The following ZNF536 variants were observed in gnomAD, a reference collection of about 807,000 sequenced individuals.
ZNF536 encodes zinc finger protein 536.
Under a neutral mutation model 84.5 loss-of-function variants are expected in ZNF536, and 13 were observed. The ratio of observed to expected loss-of-function variants is 0.15; its 90% CI spans 0.10 to 0.24. The LOEUF (loss-of-function observed/expected upper bound fraction) is 0.24. ZNF536 is among the 10% of genes least tolerant of loss of function. The probability of loss-of-function intolerance (pLI) is 1.00; values close to 1 mark genes in which losing one functional copy is unlikely to be tolerated. For synonymous variants in ZNF536, 811 were observed against 742.5 expected, an observed-to-expected ratio of 1.09 and a Z score of -1.50; for missense variants, 1,536 against 1,747.5, an observed-to-expected ratio of 0.88 and a Z score of 2.16.
chr19:30,558,539 A>G (rs998024503), downstream of ZNF536, among the ~76,000 whole-genome samples: 1 of 152,010 alleles, frequency 6.6e-6, no homozygotes. Context: ...TAATGAAGAG[A>G]CTCAGGATTC....
intron 2 of ZNF536, among the ~76,000 whole-genome samples, chr19:30,286,300 G>A (rs767849972): frequency 2.6e-5 from 4 of 152,152 alleles, no homozygotes; most frequent in Admixed American, 6.5e-5. Context: ...CTTCTATCTC[G>A]GCGCCTTTGT....
At chr19:30,282,642 G>C (rs1252897681) in intron 1 of ZNF536, among the ~76,000 whole-genome samples, 1 of 152,166 alleles carries the variant, frequency 6.6e-6, no homozygotes, top group Non-Finnish European at 1.5e-5. Context: ...AGGTCGTAGA[G>C]CAAAGCAAAT....
chr19:30,263,516 G>C (rs533538939), intron 1 of ZNF536, among the ~76,000 whole-genome samples: 2 of 152,226 alleles, frequency 1.3e-5, no homozygotes, highest in African/African-American at 4.8e-5. Context: ...GAGTGTGTGC[G>C]TGTCTGTGAA....
intron 3 of ZNF536, among the ~76,000 whole-genome samples, chr19:30,354,383 G>A (rs141559344): frequency 1.4e-4 from 21 of 152,210 alleles, no homozygotes; most frequent in African/African-American, 3.6e-4. Flanking sequence ...ATTTATTTTC[G>A]TAGAGATGGG....
intron 1 of ZNF536, among the ~76,000 whole-genome samples, chr19:30,413,829 C>T (rs192798512): frequency 5.3e-5 from 8 of 152,100 alleles, no homozygotes; most frequent in Admixed American, 3.9e-4. Flanking sequence ...CGGTGGTTCA[C>T]GCCTGTAATC....
intron 1 of ZNF536, among the ~76,000 whole-genome samples, chr19:30,281,165 T>C (rs2045429452): frequency 6.6e-6 from 1 of 152,096 alleles, no homozygotes; most frequent in African/African-American, 2.4e-5. Flanking sequence ...CCTGCTCTTG[T>C]CTCCCCTTCC....
chr19:30,600,665 T>A lies in ZNF536; in HGVS notation c.169+51151T>A, dbSNP rs1191139006. Among the ~76,000 whole-genome samples the A allele has an allele frequency of 3.3e-5, 5 of 152,322 alleles. No individual in the cohort carries two copies. In the South Asian group the frequency reaches 1.0e-3, roughly 32 times the overall value. ...TGGCGCCCCGGAGGAGGACATAGCCTGGCCAGCACCCCTGGTGAGCTGAGG... is the reference window on the plus strand; with the variant it reads ...TGGCGCCCCGGAGGAGGACATAGCCAGGCCAGCACCCCTGGTGAGCTGAGG... On this transcript the variant is annotated intron_variant, in intron 1 of 1. Coordinates refer to the ZNF536 transcript ENST00000592773.
intron 3 of ZNF536, among the ~76,000 whole-genome samples, chr19:30,538,690 C>G (rs1449754994): frequency 6.6e-6 from 1 of 152,192 alleles, no homozygotes; most frequent in African/African-American, 2.4e-5. Context: ...CTGCCTCACT[C>G]TGGCTCCAGG....
At chr19:30,628,240 G>A (rs892719011) in intron 1 of ZNF536, among the ~76,000 whole-genome samples, 5 of 152,216 alleles carry the variant, frequency 3.3e-5, no homozygotes, top group African/African-American at 1.2e-4. Flanking sequence ...TGGGACCAGA[G>A]GGTCTGCCAC....
chr19:30,349,034 A>G (rs2047844349), intron 2 of ZNF536, among the ~76,000 whole-genome samples: 1 of 152,156 alleles, frequency 6.6e-6, no homozygotes, highest in African/African-American at 2.4e-5. Context: ...CCTCCACCAA[A>G]TGAGTGAGGA....
chr19:30,498,500 C>A (rs936505178), intron 2 of ZNF536, among the ~76,000 whole-genome samples: 4 of 151,968 alleles, frequency 2.6e-5, no homozygotes, highest in Admixed American at 2.6e-4. Flanking sequence ...GGGCTTAATA[C>A]CTAGGTGATG....
At chr19:30,544,169 G>A (rs2045451515) in intron 3 of ZNF536, among the ~76,000 whole-genome samples, 1 of 152,246 alleles carries the variant, frequency 6.6e-6, no homozygotes, top group Admixed American at 6.5e-5. Context: ...GAACTGGGAT[G>A]ATCGGAAGAA....
intron 1 of ZNF536, among the ~76,000 whole-genome samples, chr19:30,631,170 C>G (rs1266717103): frequency 6.6e-6 from 1 of 152,224 alleles, no homozygotes; most frequent in Non-Finnish European, 1.5e-5. Flanking sequence ...GGAGCCGGCC[C>G]TCCCCTCCCT....
At chr19:30,634,929 A>G (rs544074082) in intron 1 of ZNF536, among the ~76,000 whole-genome samples, 19 of 152,318 alleles carry the variant, frequency 1.2e-4, no homozygotes, top group African/African-American at 4.6e-4. Flanking sequence ...TGATTTGACC[A>G]AAAGTGTCAC....
intron 1 of ZNF536, among the ~76,000 whole-genome samples, chr19:30,442,214 C>T (rs562861085): frequency 2.0e-5 from 3 of 152,342 alleles, no homozygotes; most frequent in East Asian, 3.9e-4. Flanking sequence ...CCTTGCAAAG[C>T]TGAGCTCCCC....
chr19:30,467,428 T>C (rs1177527583), intron 2 of ZNF536, among the ~76,000 whole-genome samples: 1 of 152,236 alleles, frequency 6.6e-6, no homozygotes, highest in Non-Finnish European at 1.5e-5. Flanking sequence ...TTCATTCATG[T>C]TGCAGCCTGT....
chr19:30,507,034 T>C (rs891963890), intron 2 of ZNF536, among the ~76,000 whole-genome samples: 6 of 152,248 alleles, frequency 3.9e-5, no homozygotes, highest in Non-Finnish European at 8.8e-5. Flanking sequence ...CTTTTGCCAC[T>C]TAATACCCTG....
intron 2 of ZNF536, among the ~76,000 whole-genome samples, chr19:30,304,002 G>A (rs2042345388): frequency 6.6e-6 from 1 of 152,186 alleles, no homozygotes; most frequent in African/African-American, 2.4e-5. Flanking sequence ...TGGGGATGGG[G>A]ACTGGTGGGT....
In ZNF536 at chr19:30,497,260, T is replaced by A. The variant is rs73924769; in HGVS notation, c.2171-37587T>A. Among the ~76,000 whole-genome samples the A allele has an allele frequency of 5.1e-3, 776 of 152,340 alleles. 6 individuals carry two copies. The highest frequency in any genetic ancestry group is 0.018 in the African/African-American group (745 of 41,574). ...GGTCAGAGTTCCACAATGGTAATGA[T>A]CACTCTGCCGGTGACCTTTCTAGTG... On this transcript the variant is annotated intron_variant, in intron 2 of 4. Coordinates refer to ENST00000355537, the MANE Select transcript of ZNF536 (RefSeq NM_014717.3).
Sources: gnomAD v4.1 joint callset for allele counts (sites outside exome capture counted in the v4.1 genomes callset) on GRCh38, gnomAD v4.1.1 for gene constraint, MANE v1.5 for transcripts, NCBI Gene and HGNC (gene_info 2026-07-23, HGNC 2026-07-21) for gene names.